Variants in CADM2 observed in about 807,000 individuals in gnomAD.
CADM2 encodes immunoglobulin superfamily member 4D.
In CADM2, 12 loss-of-function variants were observed where a neutral mutation model predicts 49.8. The ratio of observed to expected loss-of-function variants is 0.24; its 90% CI spans 0.15 to 0.39. CADM2 has a LOEUF of 0.39. Ranked by LOEUF, CADM2 falls within the 10% of genes least tolerant of loss-of-function variation. The pLI is 1.00. For synonymous variants in CADM2, 214 were observed against 175.4 expected (o/e 1.22, Z -1.74); for missense variants, 378 against 492.3 (o/e 0.77, Z 2.20).
intron 1 of CADM2, among the ~76,000 whole-genome samples, chr3:85,337,837 CT>C (rs2045131048): frequency 1.3e-5 from 2 of 151,488 alleles, no homozygotes; most frequent in African/African-American, 4.8e-5. Flanking sequence ...ATCAAGATTT[CT>C]TTGTCTTATA....
intron 1 of CADM2, among the ~76,000 whole-genome samples, chr3:85,692,977 C>T (rs968497855): frequency 5.3e-5 from 8 of 152,060 alleles, no homozygotes; most frequent in Non-Finnish European, 7.4e-5. Flanking sequence ...TGCCTGTAAT[C>T]CCAGCGCTTT....
At chr3:85,808,649 G>C (rs1007109294) in intron 3 of CADM2, among the ~76,000 whole-genome samples, 1 of 151,892 alleles carries the variant, frequency 6.6e-6, no homozygotes, top group African/African-American at 2.4e-5. Context: ...GAGCTTGTAT[G>C]TGTTTTTATA....
At chr3:85,946,593 CAG>C (rs1722736023) in intron 7 of CADM2, among the ~76,000 whole-genome samples, 1 of 151,928 alleles carries the variant, frequency 6.6e-6, no homozygotes. Flanking sequence ...GGTACCAAAA[CAG>C]AGATATAGAC....
At chr3:85,951,333 AAC>A (rs2108587071) in intron 7 of CADM2, among the ~76,000 whole-genome samples, 1 of 151,198 alleles carries the variant, frequency 6.6e-6, no homozygotes, top group African/African-American at 2.4e-5. Context: ...TAGGTGAAAA[AAC>A]ACAGTGGGAA....
intron 8 of CADM2, among the ~76,000 whole-genome samples, chr3:86,015,783 T>C (rs1473370193): frequency 6.6e-6 from 1 of 152,184 alleles, no homozygotes; most frequent in African/African-American, 2.4e-5. Flanking sequence ...TGTTGAACAC[T>C]TCTGTTTCAT....
At chr3:85,884,996 G>A (rs1475933402) in intron 4 of CADM2, among the ~76,000 whole-genome samples, 1 of 150,998 alleles carries the variant, frequency 6.6e-6, no homozygotes, top group African/African-American at 2.4e-5. Context: ...GGGATTACAA[G>A]GGATGAGCCA....
intron 6 of CADM2, among the ~76,000 whole-genome samples, chr3:85,923,362 T>C (rs969745442): frequency 6.6e-6 from 1 of 152,088 alleles, no homozygotes; most frequent in African/African-American, 2.4e-5. Flanking sequence ...ATCTAGAGTA[T>C]CAAAAGTGAA....
chr3:85,043,791 G>A (rs917592501), intron 1 of CADM2, among the ~76,000 whole-genome samples: 12 of 151,976 alleles, frequency 7.9e-5, no homozygotes, highest in African/African-American at 2.9e-4. Flanking sequence ...CTTGTCTGGG[G>A]TACACAAAGC....
chr3:85,978,523 A>G (rs1373132934), intron 8 of CADM2, among the ~76,000 whole-genome samples: 1 of 151,598 alleles, frequency 6.6e-6, no homozygotes, highest in Non-Finnish European at 1.5e-5. Context: ...CTGCAAAATT[A>G]TTAGAAGGCG....
intron 1 of CADM2, among the ~76,000 whole-genome samples, chr3:85,181,779 A>G (rs2040941577): frequency 6.6e-6 from 1 of 151,024 alleles, no homozygotes; most frequent in Admixed American, 6.6e-5. Flanking sequence ...CCCTTATTAT[A>G]CCTTATTGTT....
chr3:85,382,047 G>A (rs2033938419), intron 1 of CADM2, among the ~76,000 whole-genome samples: 1 of 151,464 alleles, frequency 6.6e-6, no homozygotes, highest in African/African-American at 2.4e-5. Context: ...TATGAAAAAA[G>A]AATCAACTCT....
intron 8 of CADM2, among the ~76,000 whole-genome samples, chr3:86,009,186 T>C (rs1731183150): frequency 7.5e-6 from 1 of 133,804 alleles, no homozygotes; most frequent in Non-Finnish European, 1.5e-5. Context: ...TATATATGAA[T>C]ATATGTATGA....
At chr3:85,535,381 A>T (rs6791938) in intron 1 of CADM2, among the ~76,000 whole-genome samples, 1 of 152,096 alleles carries the variant, frequency 6.6e-6, no homozygotes, top group African/African-American at 2.4e-5. Context: ...ATGGGCCCTA[A>T]GTAACAGACT....
intron 7 of CADM2, among the ~76,000 whole-genome samples, chr3:85,942,190 G>A (rs9876097): frequency 0.038 from 5,791 of 151,844 alleles, 364 homozygotes; most frequent in African/African-American, 0.13. Flanking sequence ...AAAATTGCTA[G>A]GACAGCCCAT....
At chr3:85,893,140 A>G (rs1257417921) in intron 5 of CADM2, among the ~76,000 whole-genome samples, 1 of 152,200 alleles carries the variant, frequency 6.6e-6, no homozygotes, top group Non-Finnish European at 1.5e-5. Context: ...TATATGGCAG[A>G]AGAAATTTCT....
At chr3:85,843,618 T>C (rs1559695945) in intron 3 of CADM2, among the ~76,000 whole-genome samples, 1 of 152,142 alleles carries the variant, frequency 6.6e-6, no homozygotes, top group Non-Finnish European at 1.5e-5. Context: ...TCTAATTCAA[T>C]ATTCTCTCAT....
intron 1 of CADM2, among the ~76,000 whole-genome samples, chr3:85,262,155 A>G (rs1444695580): frequency 6.6e-6 from 1 of 152,104 alleles, no homozygotes; most frequent in Non-Finnish European, 1.5e-5. Context: ...ATGATATTAA[A>G]CCATATTAAA....
intron 2 of CADM2, among the ~76,000 whole-genome samples, chr3:85,784,957 T>C (rs1347959248): frequency 6.6e-6 from 1 of 152,140 alleles, no homozygotes; most frequent in Non-Finnish European, 1.5e-5. Context: ...GCTTCTATCT[T>C]GTTACTTTTT....
chr3:85,657,785 T>C (rs929261870), intron 1 of CADM2, among the ~76,000 whole-genome samples: 2 of 147,254 alleles, frequency 1.4e-5, no homozygotes, highest in East Asian at 4.0e-4. Context: ...TACATATACA[T>C]GTTTTGAGTT....
Sources: allele counts gnomAD v4.1 joint callset (sites outside exome capture counted in the v4.1 genomes callset), GRCh38; gene constraint gnomAD v4.1.1; transcripts MANE v1.5; gene names NCBI Gene and HGNC (gene_info 2026-07-23, HGNC 2026-07-21).